Variants in AP2B1 observed in about 807,000 individuals in gnomAD.
AP2B1 encodes the protein AP-2 complex subunit beta.
A neutral mutation model predicts 102.0 loss-of-function variants in AP2B1; 23 were observed. That is an observed-to-expected ratio of 0.23 (90% CI 0.16 to 0.32). AP2B1 has a LOEUF of 0.32. Ranked by LOEUF, AP2B1 falls within the 10% of genes least tolerant of loss-of-function variation. The probability of loss-of-function intolerance (pLI) is 1.00; values close to 1 mark genes in which losing one functional copy is unlikely to be tolerated. For missense variants in AP2B1, 541 were observed against 1,157.4 expected (o/e 0.47, Z 7.73); for synonymous variants, 381 against 421.2 (o/e 0.90, Z 1.17).
At chr17:35,633,138 G>A (rs772319303) in intron 9 of AP2B1, among the ~76,000 whole-genome samples, 3 of 152,048 alleles carry the variant, frequency 2.0e-5, no homozygotes, top group Non-Finnish European at 4.4e-5. Context: ...CGAGTTGGGC[G>A]GATCATGAGG....
chr17:35,618,854 C>T (rs983022979), intron 5 of AP2B1, among the ~76,000 whole-genome samples: 3 of 152,098 alleles, frequency 2.0e-5, no homozygotes, highest in Non-Finnish European at 4.4e-5. Context: ...TATTTTATAG[C>T]TAGGTAGTAA....
chr17:35,718,705 G>T (rs1384404482), intron 21 of AP2B1, among the ~76,000 whole-genome samples: 2 of 151,840 alleles, frequency 1.3e-5, no homozygotes, highest in Non-Finnish European at 2.9e-5. Context: ...AAAGGGTTGG[G>T]GGGAGAATAA....
At chr17:35,692,409 A>G (rs1280327831) in intron 18 of AP2B1, among the ~76,000 whole-genome samples, 1 of 152,242 alleles carries the variant, frequency 6.6e-6, no homozygotes, top group East Asian at 1.9e-4. Context: ...CTAATTTAAT[A>G]AATGATTAGA....
rs199963422 is a variant in AP2B1, at chr17:35,642,669, T to TA, written c.1536+695dup. 6.4e-3 allele frequency among the ~76,000 whole-genome samples: 974 copies of TA among 152,316 alleles called. 8 individuals carry two copies. The highest frequency in any genetic ancestry group is 0.022 in the African/African-American group (927 of 41,568). On this transcript the variant is annotated intron_variant, in intron 12 of 21. Coordinates refer to ENST00000610402, the MANE Select transcript of AP2B1 (RefSeq NM_001030006.2). The stretch of plus-strand genomic sequence containing the variant: ...CGGCTTTTTAGCAGGCTGTCAGAGT[T>TA]ACGATGTGTGTCTGCAAATGGAATA...
At chr17:35,671,965 A>G (rs1195981965) in intron 16 of AP2B1, 65 bp downstream of exon 16, 12 of 1,553,616 alleles carry the variant, frequency 7.7e-6, no homozygotes, top group Non-Finnish European at 1.1e-5. Context: ...TTCACTTTCA[A>G]CATTTGTGTT....
intron 2 of AP2B1, among the ~76,000 whole-genome samples, chr17:35,596,575 G>A (rs2073284109): frequency 6.6e-6 from 1 of 150,482 alleles, no homozygotes; most frequent in African/African-American, 2.5e-5. Context: ...GTCCTCGGGC[G>A]CCGTCATCCC....
intron 3 of AP2B1, 138 bp downstream of exon 3, chr17:35,598,473 A>T (rs901262724): frequency 1.6e-4 from 83 of 520,052 alleles, no homozygotes; most frequent in African/African-American, 1.2e-3. Flanking sequence ...CATCATTAGG[A>T]AGTGCAGTTG....
At chr17:35,646,724 G>A (rs969890946) in intron 12 of AP2B1, among the ~76,000 whole-genome samples, 2 of 151,846 alleles carry the variant, frequency 1.3e-5, no homozygotes, top group African/African-American at 2.4e-5. Flanking sequence ...AAGTAGCTGG[G>A]ATTACAGACA....
intron 2 of AP2B1, among the ~76,000 whole-genome samples, chr17:35,597,550 A>G (rs1403668912): frequency 6.6e-6 from 1 of 152,234 alleles, no homozygotes; most frequent in Non-Finnish European, 1.5e-5. Flanking sequence ...CCACTGATTT[A>G]TTAAAGTACT....
At chr17:35,677,134 T>C (rs911337479) in intron 17 of AP2B1, among the ~76,000 whole-genome samples, 95 of 152,198 alleles carry the variant, frequency 6.2e-4, no homozygotes, top group African/African-American at 2.2e-3. Flanking sequence ...GGACTACACC[T>C]GTGTACCACC....
intron 3 of AP2B1, 72 bp downstream of exon 3, chr17:35,598,407 C>A: frequency 1.1e-6 from 1 of 888,934 alleles, no homozygotes; most frequent in South Asian, 2.2e-5. Flanking sequence ...TACTGCTTTT[C>A]CTTTAAAAGT....
At chr17:35,669,221 G>T (rs757718138) in intron 14 of AP2B1, among the ~76,000 whole-genome samples, 1 of 149,090 alleles carries the variant, frequency 6.7e-6, no homozygotes, top group Non-Finnish European at 1.5e-5. Flanking sequence ...TCAGCTCACC[G>T]CAACCTCCGT....
At chr17:35,721,089 A>G (rs1309791724) in intron 21 of AP2B1, among the ~76,000 whole-genome samples, 1 of 152,094 alleles carries the variant, frequency 6.6e-6, no homozygotes, top group Admixed American at 6.6e-5. Flanking sequence ...TGCATGACAG[A>G]CTGATGGTCC....
intron 21 of AP2B1, among the ~76,000 whole-genome samples, chr17:35,718,802 G>T (rs765254578): frequency 3.2e-4 from 47 of 148,696 alleles, no homozygotes; most frequent in Admixed American, 1.9e-3. Context: ...TTTGCTTACT[G>T]TCCATTATTT....
chr17:35,668,810 T>A (rs2142941732), intron 14 of AP2B1, among the ~76,000 whole-genome samples: 1 of 152,318 alleles, frequency 6.6e-6, no homozygotes, highest in South Asian at 2.1e-4. Context: ...TTCTCTTCAT[T>A]CTTTCAGCCA....
intron 3 of AP2B1, chr17:35,601,116 G>A (rs2073466106): frequency 3.8e-6 from 2 of 528,844 alleles, no homozygotes; most frequent in African/African-American, 2.1e-5. Flanking sequence ...TGCTTAGCAG[G>A]CAAAGAGGCA....
intron 18 of AP2B1, among the ~76,000 whole-genome samples, chr17:35,699,817 G>A (rs1326397704): frequency 6.6e-6 from 1 of 152,170 alleles, no homozygotes; most frequent in Non-Finnish European, 1.5e-5. Flanking sequence ...TGTAATCCCA[G>A]CACTTTGGGA....
chr17:35,599,753 CA>C (rs2073414913), intron 3 of AP2B1, among the ~76,000 whole-genome samples: 1 of 151,646 alleles, frequency 6.6e-6, no homozygotes, highest in Non-Finnish European at 1.5e-5. Context: ...AAAAAAAATA[CA>C]AAAAAATTAG....
At chr17:35,670,821 T>C (rs758680042) in intron 14 of AP2B1, 36 bp from the exon 15 acceptor site, 2 of 1,610,618 alleles carry the variant, frequency 1.2e-6, no homozygotes, top group South Asian at 2.2e-5. Flanking sequence ...AAATGAACTC[T>C]ACCTCTCTCT....
Sources: allele counts gnomAD v4.1 joint callset (sites outside exome capture counted in the v4.1 genomes callset), GRCh38; gene constraint gnomAD v4.1.1; transcripts MANE v1.5; gene names NCBI Gene and HGNC (gene_info 2026-07-23, HGNC 2026-07-21).